Variants in CABCOCO1 observed in about 807,000 individuals in gnomAD.
CABCOCO1 encodes ciliary-associated calcium-binding coiled-coil protein 1.
Under a neutral mutation model 35.7 loss-of-function variants are expected in CABCOCO1, and 28 were observed. That is an observed-to-expected ratio of 0.78 (90% CI 0.58 to 1.07). The LOEUF (loss-of-function observed/expected upper bound fraction) is 1.07, where lower values mean the gene tolerates loss of function less well. Ranked by LOEUF, CABCOCO1 falls within the 50% of genes least tolerant of loss-of-function variation. The pLI is 0.00. For synonymous variants in CABCOCO1, 95 were observed against 100.1 expected (o/e 0.95, Z 0.30); for missense variants, 326 against 309.2 (o/e 1.05, Z -0.41).
chr10:61,721,623 G>A (rs1324749128), intron 5 of CABCOCO1, among the ~76,000 whole-genome samples: 2 of 152,132 alleles, frequency 1.3e-5, no homozygotes, highest in Non-Finnish European at 2.9e-5. Context: ...TACAGCACAG[G>A]CCACAGCCAT....
chr10:61,665,441 A>G (rs1385606092), intron 1 of CABCOCO1, among the ~76,000 whole-genome samples: 1 of 152,252 alleles, frequency 6.6e-6, no homozygotes, highest in Non-Finnish European at 1.5e-5. Context: ...GTATGAATGC[A>G]TAACAGAAAA....
At chr10:61,711,109 G>A (rs922769026) in intron 5 of CABCOCO1, among the ~76,000 whole-genome samples, 12 of 151,576 alleles carry the variant, frequency 7.9e-5, no homozygotes, top group African/African-American at 2.2e-4. Flanking sequence ...GATTTAAACC[G>A]AACTAAATCA....
intron 5 of CABCOCO1, among the ~76,000 whole-genome samples, chr10:61,718,215 G>A (rs2132037675): frequency 6.6e-6 from 1 of 152,228 alleles, no homozygotes; most frequent in South Asian, 2.1e-4. Flanking sequence ...TCCATAAAGA[G>A]ATTATTATTT....
intron 2 of CABCOCO1, among the ~76,000 whole-genome samples, chr10:61,679,550 G>T: frequency 6.6e-6 from 1 of 152,026 alleles, no homozygotes; most frequent in African/African-American, 2.4e-5. Flanking sequence ...ATAAATGCTA[G>T]AATAATTGAC....
intron 4 of CABCOCO1, among the ~76,000 whole-genome samples, chr10:61,690,347 C>A (rs1840098144): frequency 6.6e-6 from 1 of 152,006 alleles, no homozygotes; most frequent in African/African-American, 2.4e-5. Context: ...GTTATATTGT[C>A]CTTTCCTTAA....
At chr10:61,734,847 T>A (rs1401478687) in intron 5 of CABCOCO1, among the ~76,000 whole-genome samples, 1 of 152,034 alleles carries the variant, frequency 6.6e-6, no homozygotes, top group Non-Finnish European at 1.5e-5. Context: ...GATGAGAAAA[T>A]GCAGAACAGG....
At chr10:61,760,338 G>A (rs528131944) in intron 6 of CABCOCO1, among the ~76,000 whole-genome samples, 157 bp downstream of exon 6, 6 of 152,014 alleles carry the variant, frequency 3.9e-5, no homozygotes, top group South Asian at 2.1e-4. Flanking sequence ...AGATGAGTCC[G>A]CTGATGGTAG....
intron 2 of CABCOCO1, among the ~76,000 whole-genome samples, chr10:61,674,436 T>C (rs960314336): frequency 1.3e-5 from 2 of 152,196 alleles, no homozygotes; most frequent in African/African-American, 4.8e-5. Context: ...ACATCAGTAT[T>C]ATGTTAGGAG....
chr10:61,744,378 T>C (rs954929664), intron 5 of CABCOCO1, among the ~76,000 whole-genome samples: 26 of 152,212 alleles, frequency 1.7e-4, no homozygotes, highest in Non-Finnish European at 3.5e-4. Flanking sequence ...AAATTGTTCA[T>C]ATTTTATAGT....
chr10:61,695,196 C>G (rs1320423892), intron 5 of CABCOCO1, among the ~76,000 whole-genome samples: 1 of 150,984 alleles, frequency 6.6e-6, no homozygotes, highest in African/African-American at 2.4e-5. Flanking sequence ...AATGGATGTT[C>G]TGTAATAGAA....
chr10:61,699,715 CTTG>C (rs907399030), intron 5 of CABCOCO1, among the ~76,000 whole-genome samples: 1 of 152,032 alleles, frequency 6.6e-6, no homozygotes, highest in African/African-American at 2.4e-5. Context: ...TTACCTTTTA[CTTG>C]TTATTTCCCC....
intron 5 of CABCOCO1, among the ~76,000 whole-genome samples, chr10:61,727,475 G>T (rs12570216): frequency 0.12 from 18,043 of 152,060 alleles, 1,425 homozygotes; most frequent in African/African-American, 0.19. Flanking sequence ...AGAGTTCAAA[G>T]AATGTATAAT....
At chr10:61,739,772 C>T (rs1229731252) in intron 5 of CABCOCO1, among the ~76,000 whole-genome samples, 1 of 152,046 alleles carries the variant, frequency 6.6e-6, no homozygotes, top group African/African-American at 2.4e-5. Flanking sequence ...GAAACCCTGT[C>T]TCTACTAAAA....
chr10:61,727,166 T>G (rs1356840643), intron 5 of CABCOCO1, among the ~76,000 whole-genome samples: 3 of 152,170 alleles, frequency 2.0e-5, no homozygotes, highest in Non-Finnish European at 2.9e-5. Context: ...TTTCTTATAT[T>G]TTAGACTCCC....
chr10:61,706,754 A>G (rs1840601495), intron 5 of CABCOCO1, among the ~76,000 whole-genome samples: 1 of 152,038 alleles, frequency 6.6e-6, no homozygotes, highest in Non-Finnish European at 1.5e-5. Flanking sequence ...AGAAAGCTTG[A>G]GGCTGGGGAG....
At chr10:61,694,819 G>T (rs1401703282) in intron 5 of CABCOCO1, among the ~76,000 whole-genome samples, 1 of 152,078 alleles carries the variant, frequency 6.6e-6, no homozygotes, top group Non-Finnish European at 1.5e-5. Flanking sequence ...AGGGGGAAGA[G>T]AATATAGCAA....
At chr10:61,726,548 C>T (rs1589142776) in intron 5 of CABCOCO1, among the ~76,000 whole-genome samples, 2 of 151,774 alleles carry the variant, frequency 1.3e-5, no homozygotes, top group East Asian at 1.9e-4. Context: ...ATTTTTACTA[C>T]TTGTATTGCT....
intron 5 of CABCOCO1, among the ~76,000 whole-genome samples, chr10:61,693,960 CAG>C (rs1840226031): frequency 6.6e-6 from 1 of 151,880 alleles, no homozygotes; most frequent in Non-Finnish European, 1.5e-5. Flanking sequence ...TGCAGACAGA[CAG>C]ATAGAAAAAC....
chr10:61,747,895 A>C (rs1161930310), intron 5 of CABCOCO1, among the ~76,000 whole-genome samples: 1 of 152,292 alleles, frequency 6.6e-6, no homozygotes, highest in East Asian at 1.9e-4. Flanking sequence ...TCTTCATGCA[A>C]GTGTGAAAAC....
Sources: allele counts gnomAD v4.1 joint callset (sites outside exome capture counted in the v4.1 genomes callset), GRCh38; gene constraint gnomAD v4.1.1; transcripts MANE v1.5; gene names NCBI Gene and HGNC (gene_info 2026-07-23, HGNC 2026-07-21).